The following CCNY variants were observed in gnomAD, a reference collection of about 807,000 sequenced individuals.
The protein encoded by CCNY is cyclin-Y.
A neutral mutation model predicts 42.8 loss-of-function variants in CCNY; 19 were observed. The observed-to-expected ratio is 0.44, with a 90% CI of 0.31 to 0.65. The LOEUF is 0.65. Among genes scored for constraint, CCNY ranks in the 30% least tolerant of loss-of-function variants. CCNY has a pLI of 0.07. For missense variants in CCNY, 370 were observed against 437.3 expected, an observed-to-expected ratio of 0.85 and a Z score of 1.37; for synonymous variants, 165 against 162.7, an observed-to-expected ratio of 1.01 and a Z score of -0.11.
rs911506226 is a variant in CCNY, at chr10:35,253,423, T to A, written c.-9+2797T>A. Among the ~76,000 whole-genome samples, 967 of 109,864 alleles carry A rather than the reference T, an allele frequency of 8.8e-3. 23 individuals are homozygous for A. Among genetic ancestry groups the A allele is most frequent in the African/African-American group, 0.026 (875 of 33,434 alleles). The allele number at this position is 109,864 out of a possible 152,430, so 72.1% of individuals were successfully genotyped here. On this transcript the variant is annotated intron_variant, in intron 3 of 11. Transcript: ENST00000374706. Reference sequence around the variant, plus strand: ...CACCAGCATGCTCACTATTTTTTTTTTTTTTTTTTTTTTTTTTTTTGTAGA... The same window carrying A: ...CACCAGCATGCTCACTATTTTTTTTATTTTTTTTTTTTTTTTTTTTGTAGA...
intron 1 of CCNY, among the ~76,000 whole-genome samples, chr10:35,455,748 G>A (rs1308660573): frequency 2.0e-5 from 3 of 150,480 alleles, no homozygotes; most frequent in Admixed American, 6.6e-5. Context: ...CATTATTTAT[G>A]TGGTTAACAG....
At chr10:35,481,058 A>G (rs1476388191) in intron 1 of CCNY, among the ~76,000 whole-genome samples, 1 of 152,226 alleles carries the variant, frequency 6.6e-6, no homozygotes, top group Non-Finnish European at 1.5e-5. Context: ...ATTGGTGTAT[A>G]TTCTTTTGAT....
intron 3 of CCNY, among the ~76,000 whole-genome samples, chr10:35,252,248 C>A (rs1446589000): frequency 6.6e-6 from 1 of 152,028 alleles, no homozygotes; most frequent in Non-Finnish European, 1.5e-5. Flanking sequence ...TCCTCAACAG[C>A]ACAGTTAAAT....
At chr10:35,442,055 A>G (rs917761473) in intron 1 of CCNY, among the ~76,000 whole-genome samples, 2 of 152,256 alleles carry the variant, frequency 1.3e-5, no homozygotes, top group African/African-American at 2.4e-5. Flanking sequence ...TGCATTTTAA[A>G]TAATAGCTTA....
intron 8 of CCNY, among the ~76,000 whole-genome samples, chr10:35,562,992 T>C (rs1369591326): frequency 6.6e-6 from 1 of 151,768 alleles, no homozygotes; most frequent in Admixed American, 6.6e-5. Flanking sequence ...GTTGGTCGAC[T>C]TGAATATATT....
chr10:35,467,648 G>A (rs778664133), intron 1 of CCNY, among the ~76,000 whole-genome samples: 11 of 152,078 alleles, frequency 7.2e-5, no homozygotes, highest in South Asian at 4.1e-4. Flanking sequence ...TGTATGTTAC[G>A]TTTACTTGTT....
chr10:35,342,032 C>T (rs982039799), intron 1 of CCNY, among the ~76,000 whole-genome samples: 1 of 152,070 alleles, frequency 6.6e-6, no homozygotes, highest in Non-Finnish European at 1.5e-5. Context: ...ATTTTCTTGT[C>T]TGAAACATGA....
At position 35,505,262 on chromosome 10, in the gene CCNY, A is replaced by T. The variant is rs187102333; in HGVS notation, c.264+3727A>T. 7.9e-4 allele frequency among the ~76,000 whole-genome samples: 120 copies of T among 151,196 alleles called. 1 individual carries two copies. The highest frequency in any genetic ancestry group is 1.4e-3 in the Non-Finnish European group (96 of 67,870). On this transcript the variant is annotated intron_variant, in intron 3 of 9. Transcript: ENST00000374704. ...ATAGCACACCAAAAATGAATGGGTT[A>T]TTCTAAGAAGTTAAAAAAAAAAAAA...
At chr10:35,522,194 T>C (rs1231612619) in intron 4 of CCNY, among the ~76,000 whole-genome samples, 2 of 152,152 alleles carry the variant, frequency 1.3e-5, no homozygotes, top group African/African-American at 2.4e-5. Context: ...AAGCAAAGTT[T>C]TCTTCAATGT....
At chr10:35,294,970 G>C (rs1835454310) in intron 3 of CCNY, among the ~76,000 whole-genome samples, 1 of 151,910 alleles carries the variant, frequency 6.6e-6, no homozygotes, top group African/African-American at 2.4e-5. Context: ...TGCAGTAGTT[G>C]TGGCTTTTTA....
intron 3 of CCNY, among the ~76,000 whole-genome samples, chr10:35,316,859 G>A (rs769387064): frequency 6.6e-5 from 10 of 152,092 alleles, no homozygotes; most frequent in Admixed American, 2.0e-4. Flanking sequence ...AGATTACAAA[G>A]CGTGTAGACC....
At chr10:35,500,125 C>T (rs1051018370) in intron 2 of CCNY, among the ~76,000 whole-genome samples, 1 of 152,200 alleles carries the variant, frequency 6.6e-6, no homozygotes, top group African/African-American at 2.4e-5. Context: ...GCTCTGTGTG[C>T]GCTAGTCTGG....
chr10:35,434,526 A>T (rs2135284900), intron 1 of CCNY, among the ~76,000 whole-genome samples: 1 of 152,326 alleles, frequency 6.6e-6, no homozygotes. Flanking sequence ...TATTTAAAAA[A>T]GTTTTCAAAT....
At chr10:35,280,574 C>A (rs1203939892) in intron 3 of CCNY, among the ~76,000 whole-genome samples, 1 of 151,924 alleles carries the variant, frequency 6.6e-6, no homozygotes, top group East Asian at 1.9e-4. Context: ...GAAGTTGGAC[C>A]CTTACCTCAC....
intron 1 of CCNY, among the ~76,000 whole-genome samples, chr10:35,368,926 C>T (rs948118821): frequency 1.2e-4 from 18 of 152,226 alleles, no homozygotes; most frequent in Admixed American, 9.8e-4. Flanking sequence ...TGTACTTCCA[C>T]TGCTCACTTC....
intron 1 of CCNY, among the ~76,000 whole-genome samples, chr10:35,454,751 C>T (rs907030218): frequency 2.6e-5 from 4 of 152,202 alleles, no homozygotes; most frequent in Admixed American, 1.3e-4. Flanking sequence ...AGCTTTCTTC[C>T]TGGCTTTCTT....
intron 9 of CCNY, among the ~76,000 whole-genome samples, chr10:35,567,279 C>T (rs747011287): frequency 3.3e-5 from 5 of 152,106 alleles, no homozygotes; most frequent in Non-Finnish European, 5.9e-5. Flanking sequence ...GGTTTTGGGC[C>T]GTCATTATTA....
At chr10:35,386,828 T>C (rs115226113) in intron 1 of CCNY, among the ~76,000 whole-genome samples, 2 of 152,218 alleles carry the variant, frequency 1.3e-5, no homozygotes, top group African/African-American at 2.4e-5. Flanking sequence ...TGAAGGTCTT[T>C]AGTAAAACCT....
At chr10:35,327,526 A>G (rs1356709301) in intron 3 of CCNY, among the ~76,000 whole-genome samples, 2 of 152,200 alleles carry the variant, frequency 1.3e-5, no homozygotes, top group Non-Finnish European at 2.9e-5. Context: ...AATCAGTAAT[A>G]TTTTGTGAAT....
Sources: gnomAD v4.1 joint callset for allele counts (sites outside exome capture counted in the v4.1 genomes callset) on GRCh38, gnomAD v4.1.1 for gene constraint, MANE v1.5 for transcripts, NCBI Gene and HGNC (gene_info 2026-07-23, HGNC 2026-07-21) for gene names.